The following FHIT variants were observed in gnomAD, a reference collection of about 807,000 sequenced individuals.
The protein encoded by FHIT is bis(5'-adenosyl)-triphosphatase.
A neutral mutation model predicts 17.9 loss-of-function variants in FHIT; 19 were observed. The observed-to-expected ratio is 1.06, with a 90% CI of 0.74 to 1.56. The LOEUF is 1.56. Ranked by LOEUF, FHIT falls within the 40% of genes most tolerant of loss-of-function variation. The pLI is 0.00. For missense variants in FHIT, 248 were observed against 189.2 expected, an observed-to-expected ratio of 1.31 and a Z score of -1.82; for synonymous variants, 81 against 69.7, an observed-to-expected ratio of 1.16 and a Z score of -0.81.
intron 4 of FHIT, among the ~76,000 whole-genome samples, chr3:60,559,092 C>T (rs2036842684): frequency 6.6e-6 from 1 of 152,164 alleles, no homozygotes; most frequent in Non-Finnish European, 1.5e-5. Context: ...TCCATGGGAA[C>T]ATTCTGATTG....
intron 5 of FHIT, among the ~76,000 whole-genome samples, chr3:60,208,172 G>A (rs213319): frequency 0.21 from 31,731 of 152,174 alleles, 3,651 homozygotes; most frequent in Middle Eastern, 0.28. Flanking sequence ...TGCTGACAAA[G>A]GCAAGCGTGA....
chr3:61,091,070 T>C (rs1029018292), intron 2 of FHIT, among the ~76,000 whole-genome samples: 1 of 152,220 alleles, frequency 6.6e-6, no homozygotes, highest in African/African-American at 2.4e-5. Context: ...AGACATCTCG[T>C]TCACATCCCT....
chr3:60,239,459 G>C (rs1032845634), intron 5 of FHIT, among the ~76,000 whole-genome samples: 1 of 151,264 alleles, frequency 6.6e-6, no homozygotes, highest in African/African-American at 2.5e-5. Flanking sequence ...CAGCTACTCA[G>C]GGGGCTAAGG....
At chr3:61,080,708 A>G (rs1487022649) in intron 2 of FHIT, among the ~76,000 whole-genome samples, 1 of 152,176 alleles carries the variant, frequency 6.6e-6, no homozygotes. Context: ...TGAATATTTA[A>G]GGTGCTTGAT....
intron 2 of FHIT, among the ~76,000 whole-genome samples, chr3:61,085,038 C>G (rs1340497770): frequency 6.6e-6 from 1 of 152,130 alleles, no homozygotes; most frequent in Non-Finnish European, 1.5e-5. Flanking sequence ...CTAATTATTG[C>G]TTACCCATTT....
intron 5 of FHIT, among the ~76,000 whole-genome samples, chr3:60,235,432 G>A (rs571261516): frequency 2.0e-4 from 30 of 152,024 alleles, no homozygotes; most frequent in Admixed American, 1.3e-3. Flanking sequence ...GGGTTTCACC[G>A]TGATGGCCAG....
At chr3:60,796,799 C>G (rs782116982) in intron 4 of FHIT, among the ~76,000 whole-genome samples, 1 of 152,166 alleles carries the variant, frequency 6.6e-6, no homozygotes, top group African/African-American at 2.4e-5. Flanking sequence ...CCAGGCTGGT[C>G]TCGAACTCCT....
At chr3:61,069,964 T>G (rs1171011153) in intron 2 of FHIT, among the ~76,000 whole-genome samples, 7 of 152,260 alleles carry the variant, frequency 4.6e-5, no homozygotes, top group South Asian at 2.1e-4. Context: ...TAGGCTGGAA[T>G]GCAGTGGTGC....
chr3:60,355,160 G>C (rs1029592005), intron 5 of FHIT, among the ~76,000 whole-genome samples: 2 of 152,202 alleles, frequency 1.3e-5, no homozygotes, highest in African/African-American at 2.4e-5. Flanking sequence ...GTTCTCAAAG[G>C]ATTTTGTTGT....
chr3:60,798,624 C>T (rs1182869332), intron 4 of FHIT, among the ~76,000 whole-genome samples: 2 of 152,048 alleles, frequency 1.3e-5, no homozygotes, highest in African/African-American at 4.8e-5. Context: ...GGCCTGAATA[C>T]AACAGTGATC....
rs567211810 is a variant in FHIT at position 61,018,338 on chromosome 3, A to G, written c.-111+23709T>C. 3.3e-5 allele frequency among the ~76,000 whole-genome samples: 5 copies of G among 152,336 alleles called. No individual in the cohort carries two copies. The South Asian group carries it at 1.0e-3, about 32-fold the overall frequency. On this transcript the variant is annotated intron_variant, in intron 3 of 9. Coordinates refer to ENST00000492590, the MANE Select transcript of FHIT (RefSeq NM_002012.4). Reference sequence around the variant, plus strand: ...TTCCAATTTAGAAAAGATGAAGGAGAATTCTAGAACCTTCACTTCTGAGCA... The same window carrying G: ...TTCCAATTTAGAAAAGATGAAGGAGGATTCTAGAACCTTCACTTCTGAGCA...
chr3:60,159,069 T>A (rs1194625791), intron 5 of FHIT, among the ~76,000 whole-genome samples: 2 of 151,968 alleles, frequency 1.3e-5, no homozygotes, highest in East Asian at 1.9e-4. Context: ...CTCTTTAGAC[T>A]TTTTTTTCTA....
intron 2 of FHIT, among the ~76,000 whole-genome samples, chr3:61,075,968 T>C (rs1206224809): frequency 6.6e-6 from 1 of 152,204 alleles, no homozygotes. Flanking sequence ...GTGGTAAGAA[T>C]TGTGTTGAGC....
chr3:60,290,730 C>T (rs1707945609), intron 5 of FHIT, among the ~76,000 whole-genome samples: 2 of 152,094 alleles, frequency 1.3e-5, no homozygotes, highest in Non-Finnish European at 2.9e-5. Flanking sequence ...GTTCCAAATA[C>T]TGAATTGGGT....
chr3:59,829,931 A>G (rs540831612), intron 8 of FHIT, among the ~76,000 whole-genome samples: 1 of 151,370 alleles, frequency 6.6e-6, no homozygotes, highest in African/African-American at 2.4e-5. Context: ...TACAAAAATA[A>G]AAAAAAAATT....
At chr3:60,370,007 C>G (rs1452358647) in intron 5 of FHIT, among the ~76,000 whole-genome samples, 3 of 152,148 alleles carry the variant, frequency 2.0e-5, no homozygotes, top group African/African-American at 7.2e-5. Context: ...ATATTTGTAA[C>G]ATATCTGTAT....
intron 8 of FHIT, among the ~76,000 whole-genome samples, chr3:59,899,705 G>T (rs996970509): frequency 9.2e-5 from 14 of 152,084 alleles, no homozygotes; most frequent in Admixed American, 9.2e-4. Flanking sequence ...AATTAGCTGG[G>T]TATGGCAGCA....
chr3:60,418,557 CTTTTTT>C (rs11452248), intron 5 of FHIT, among the ~76,000 whole-genome samples: 1 of 95,194 alleles, frequency 1.1e-5, no homozygotes, highest in Admixed American at 1.2e-4. Flanking sequence ...TCCCTCCCAA[CTTTTTT>C]TTTTTTTTTT....
chr3:60,417,115 G>C (rs1368302913), intron 5 of FHIT, among the ~76,000 whole-genome samples: 2 of 151,330 alleles, frequency 1.3e-5, no homozygotes, highest in African/African-American at 4.9e-5. Flanking sequence ...AAAAAAATTT[G>C]AGAACAACTA....
Sources: allele counts gnomAD v4.1 joint callset (sites outside exome capture counted in the v4.1 genomes callset), GRCh38; gene constraint gnomAD v4.1.1; transcripts MANE v1.5; gene names NCBI Gene and HGNC (gene_info 2026-07-23, HGNC 2026-07-21).